The following PLEKHA8 variants were observed in gnomAD, a reference collection of about 807,000 sequenced individuals.
PLEKHA8 encodes the protein pleckstrin homology domain-containing family A member 8.
PLEKHA8 carries 36 observed loss-of-function variants against 68.2 expected under a neutral mutation model. That is an observed-to-expected ratio of 0.53 (90% CI 0.40 to 0.70). PLEKHA8 has a LOEUF of 0.70. Ranked by LOEUF, PLEKHA8 falls within the 30% of genes least tolerant of loss-of-function variation. The pLI is 0.00. For missense variants in PLEKHA8, 505 were observed against 615.4 expected, an observed-to-expected ratio of 0.82 and a Z score of 1.90; for synonymous variants, 211 against 216.1, an observed-to-expected ratio of 0.98 and a Z score of 0.20.
downstream of PLEKHA8, among the ~76,000 whole-genome samples, chr7:30,091,105 A>G (rs145328164): frequency 1.6e-3 from 248 of 152,312 alleles, no homozygotes; most frequent in African/African-American, 5.4e-3. Context: ...TCAAGGCTGC[A>G]GGCCACTGCC....
intron 13 of PLEKHA8, chr7:30,129,200 G>C: frequency 6.2e-7 from 1 of 1,610,452 alleles, no homozygotes; most frequent in Non-Finnish European, 8.5e-7. Context: ...GTTGCTGGTT[G>C]GGACTAAAAG....
chr7:30,074,997 C>T (rs1394160301), intron 13 of PLEKHA8: 1 of 152,134 alleles, frequency 6.6e-6, no homozygotes, highest in Non-Finnish European at 1.5e-5. Context: ...TTAGTCAAAT[C>T]TAGTCATGAA....
chr7:30,038,279 C>G (rs1791258588), intron 1 of PLEKHA8, among the ~76,000 whole-genome samples: 4 of 151,978 alleles, frequency 2.6e-5, no homozygotes. Context: ...CAAGATAGAC[C>G]ATGTTCTGAG....
chr7:30,125,331 T>A (rs544693296), intron 13 of PLEKHA8, among the ~76,000 whole-genome samples: 1 of 152,338 alleles, frequency 6.6e-6, no homozygotes, highest in African/African-American at 2.4e-5. Flanking sequence ...GTTTGACTTA[T>A]GATTTTTCAG....
chr7:30,090,077 T>C lies in PLEKHA8; in HGVS notation c.1301-76T>C, dbSNP rs977770553. 8 of 1,438,642 alleles carry C rather than the reference T, an allele frequency of 5.6e-6. No homozygotes were observed. The African/African-American group carries it at 7.2e-5, about 13-fold the overall frequency. 89.1% of individuals were successfully genotyped at this position (1,438,642 alleles called of 1,614,324 possible). ...AATAAAAAGGAACTAAAAAAGTATC[T>C]GGAGATAAAATACAGAAGATTTTTC... On this transcript the variant is annotated intron_variant, in intron 12 of 12. Transcript: ENST00000258679.
intron 12 of PLEKHA8, 94 bp from the exon 13 acceptor site, chr7:30,073,977 C>A (rs1794435904): frequency 2.0e-6 from 2 of 1,020,206 alleles, no homozygotes; most frequent in Non-Finnish European, 2.9e-6. Context: ...CAGAGCAAGA[C>A]CCTGTCTCTT....
chr7:30,045,458 G>C (rs1384574737), intron 2 of PLEKHA8, among the ~76,000 whole-genome samples: 1 of 152,172 alleles, frequency 6.6e-6, no homozygotes, highest in Non-Finnish European at 1.5e-5. Context: ...ATTCCTTAGT[G>C]ACCTGCTCAC....
At chr7:30,046,440 A>G in intron 3 of PLEKHA8, 75 bp downstream of exon 3, 4 of 1,478,676 alleles carry the variant, frequency 2.7e-6, no homozygotes, top group Non-Finnish European at 3.6e-6. Context: ...CTTATTTGTT[A>G]TCTTGCTTCT....
intron 13 of PLEKHA8, among the ~76,000 whole-genome samples, chr7:30,128,090 TA>T (rs149338581): frequency 0.013 from 1,451 of 108,072 alleles, 23 homozygotes; most frequent in African/African-American, 0.03. Context: ...AGTTTTACTG[TA>T]TTTTTTTTTT....
At chr7:30,088,380 A>G (rs1033825906), downstream of PLEKHA8, among the ~76,000 whole-genome samples, 1 of 152,170 alleles carries the variant, frequency 6.6e-6, no homozygotes, top group Non-Finnish European at 1.5e-5. Flanking sequence ...AAAAACAAGC[A>G]AATAAGAAAA....
intron 13 of PLEKHA8, among the ~76,000 whole-genome samples, chr7:30,102,936 G>A (rs60213963): frequency 0.14 from 21,364 of 152,234 alleles, 1,524 homozygotes; most frequent in Middle Eastern, 0.18. Context: ...TGGATGTGGC[G>A]GCTCATGCCT....
chr7:30,112,859 C>A (rs1412697560), intron 13 of PLEKHA8, among the ~76,000 whole-genome samples: 1 of 151,848 alleles, frequency 6.6e-6, no homozygotes, highest in East Asian at 1.9e-4. Context: ...TGTGATATAC[C>A]ACTGCACTCC....
At chr7:30,064,756 T>A (rs1793701471) in intron 12 of PLEKHA8, among the ~76,000 whole-genome samples, 1 of 152,150 alleles carries the variant, frequency 6.6e-6, no homozygotes, top group African/African-American at 2.4e-5. Flanking sequence ...AACTAACTTA[T>A]TAGTATGGAA....
At chr7:30,073,590 T>A (rs1446552426) in intron 12 of PLEKHA8, among the ~76,000 whole-genome samples, 4 of 134,884 alleles carry the variant, frequency 3.0e-5, no homozygotes, top group South Asian at 2.2e-4. Flanking sequence ...AAAAAAAAAA[T>A]TCCATGTGAG....
At chr7:30,062,845 T>C in intron 12 of PLEKHA8, 103 bp downstream of exon 12, 1 of 824,372 alleles carries the variant, frequency 1.2e-6, no homozygotes, top group Non-Finnish European at 1.9e-6. Flanking sequence ...TTTCAGAATT[T>C]GATTTTGTTT....
In PLEKHA8 at chr7:30,090,167, A is replaced by G. The variant is rs1345249815; in HGVS notation, c.1315A>G (p.Asn439Asp). Residue 439 changes from asparagine (N) to aspartate (D), a missense_variant, in exon 13 of 13, where the codon AAC becomes GAC. Physicochemically the swap from Asn to Asp is conservative, Grantham distance 23. Transcript: ENST00000258679. ...CTATGTTGTAGGAAATCCAACAGAA[A>G]ACACTTGACACCAAAACATACCCTG... is the stretch of plus-strand genomic sequence containing the variant. 3 of 1,550,774 alleles carry G rather than the reference A, an allele frequency of 1.9e-6. No individual in the cohort carries two copies. In the Admixed American group the frequency reaches 5.9e-5, roughly 30 times the overall value.
intron 1 of PLEKHA8, among the ~76,000 whole-genome samples, chr7:30,031,268 G>GTGAT (rs1442273566): frequency 1.4e-4 from 21 of 152,228 alleles, no homozygotes; most frequent in Admixed American, 6.5e-5. Flanking sequence ...TTCATTGTGT[G>GTGAT]TGATTGATTG....
intron 12 of PLEKHA8, among the ~76,000 whole-genome samples, chr7:30,069,331 C>T (rs931389678): frequency 6.6e-6 from 1 of 152,252 alleles, no homozygotes; most frequent in Non-Finnish European, 1.5e-5. Context: ...TAATTCCGCC[C>T]TTTCTGGCTT....
At chr7:30,120,397 G>A (rs1365678235) in intron 13 of PLEKHA8, among the ~76,000 whole-genome samples, 9 of 152,168 alleles carry the variant, frequency 5.9e-5, no homozygotes, top group Admixed American at 6.5e-5. Flanking sequence ...ACAGCTCAGC[G>A]TTTGCTTTAT....
Sources: gnomAD v4.1 joint callset for allele counts (sites outside exome capture counted in the v4.1 genomes callset) on GRCh38, gnomAD v4.1.1 for gene constraint, MANE v1.5 for transcripts, NCBI Gene and HGNC (gene_info 2026-07-23, HGNC 2026-07-21) for gene names.